HIPK3: variants seen among roughly 807,000 people sequenced by gnomAD.
HIPK3 encodes homeodomain-interacting protein kinase 3.
Under a neutral mutation model 124.2 loss-of-function variants are expected in HIPK3, and 47 were observed. That is an observed-to-expected ratio of 0.38 (90% CI 0.30 to 0.48). The LOEUF is 0.48. Among genes scored for constraint, HIPK3 ranks in the 20% least tolerant of loss-of-function variants. HIPK3 has a pLI of 0.98. For missense variants in HIPK3, 1,286 were observed against 1,454.3 expected, an observed-to-expected ratio of 0.88 and a Z score of 1.88; for synonymous variants, 482 against 515.2, an observed-to-expected ratio of 0.94 and a Z score of 0.87.
intron 1 of HIPK3, among the ~76,000 whole-genome samples, chr11:33,282,354 T>C (rs961304235): frequency 1.3e-5 from 2 of 151,778 alleles, no homozygotes; most frequent in Non-Finnish European, 2.9e-5. Context: ...CATTGCACTT[T>C]AGTCTGGGCA....
At chr11:33,285,012 T>C (rs1851510602) in intron 1 of HIPK3, among the ~76,000 whole-genome samples, 1 of 152,234 alleles carries the variant, frequency 6.6e-6, no homozygotes. Flanking sequence ...TGATTTCATA[T>C]TTTATAAATT....
chr11:33,349,860 C>T (rs1853606206), intron 14 of HIPK3, among the ~76,000 whole-genome samples: 4 of 152,122 alleles, frequency 2.6e-5, no homozygotes, highest in South Asian at 4.1e-4. Flanking sequence ...TCCGCCTCCC[C>T]AGGTTCAAGT....
chr11:33,349,199 C>T lies in HIPK3; in HGVS notation c.2719C>T (p.Arg907Trp), dbSNP rs751432115. The T allele has an allele frequency of 2.7e-5, 43 of 1,613,292 alleles. No individual in the cohort carries two copies. In the Middle Eastern group the frequency reaches 4.9e-4, roughly 19 times the overall value. The change falls in exon 14 of 17, where the codon CGG (arginine) becomes TGG (tryptophan). Residue 907 changes from arginine to tryptophan, a missense_variant. By Grantham distance (101) the Arg-to-Trp change is moderately radical. This residue lies in a region of HIPK3 where 810 missense variants were observed against 864.9 expected (regional missense o/e 0.94). Coordinates refer to ENST00000303296, the MANE Select transcript of HIPK3 (RefSeq NM_005734.5). ...TTGCCAGAGCACTTTGAATATTGAT[C>T]GGATGTGTTCATTAAGTAGTCCTGA... Reference protein sequence around the residue: ...EACQSTLNIDRMCSLSSPDST... With the variant: ...EACQSTLNIDWMCSLSSPDST...
chr11:33,333,005 A>T (rs1428845165), intron 3 of HIPK3, among the ~76,000 whole-genome samples: 1 of 152,156 alleles, frequency 6.6e-6, no homozygotes, highest in Non-Finnish European at 1.5e-5. Context: ...TGAAACAACC[A>T]GATCTTGAGA....
chr11:33,295,009 G>C (rs1207988035), intron 2 of HIPK3, among the ~76,000 whole-genome samples: 1 of 151,952 alleles, frequency 6.6e-6, no homozygotes, highest in Non-Finnish European at 1.5e-5. Flanking sequence ...AAGTAGCATT[G>C]AGCTCACAGC....
intron 3 of HIPK3, among the ~76,000 whole-genome samples, chr11:33,334,214 A>G (rs914723352): frequency 6.6e-6 from 1 of 152,230 alleles, no homozygotes; most frequent in African/African-American, 2.4e-5. Context: ...TATAATAATT[A>G]TAAATGCATG....
In HIPK3 at chr11:33,324,055, T is replaced by C. The variant is rs185869243; in HGVS notation, c.1098-4455T>C. Among the ~76,000 whole-genome samples, 248 of 152,322 alleles carry C rather than the reference T, an allele frequency of 1.6e-3. 1 individual carries two copies. Among genetic ancestry groups the C allele is most frequent in the Admixed American group, 5.1e-3 (78 of 15,292 alleles). On this transcript the variant is annotated intron_variant, in intron 2 of 16. Coordinates refer to ENST00000303296, the MANE Select transcript of HIPK3 (RefSeq NM_005734.5). ...AAGTAGAGGAAAAAAGTGGAAGAAC[T>C]TTCTGTAGGAGTAGGACAGAAGATT...
At chr11:33,285,615 T>C (rs1423575359) in intron 1 of HIPK3, among the ~76,000 whole-genome samples, 2 of 151,498 alleles carry the variant, frequency 1.3e-5, no homozygotes, top group Non-Finnish European at 2.9e-5. Context: ...CAGACATAGA[T>C]TTTTTTTCCT....
chr11:33,303,620 G>A (rs1451729147), intron 2 of HIPK3, among the ~76,000 whole-genome samples: 2 of 152,022 alleles, frequency 1.3e-5, no homozygotes, highest in African/African-American at 2.4e-5. Context: ...TGTCCTTCCC[G>A]ACCTCACACA....
intron 6 of HIPK3, 141 bp from the exon 7 acceptor site, chr11:33,340,827 A>G (rs907927328): frequency 1.0e-5 from 5 of 481,754 alleles, no homozygotes; most frequent in Non-Finnish European, 1.8e-5. Context: ...TCCTGTTAGA[A>G]ATACTATTGG....
intron 8 of HIPK3, among the ~76,000 whole-genome samples, chr11:33,346,808 T>A (rs1023157113): frequency 1.3e-5 from 2 of 152,224 alleles, no homozygotes; most frequent in Non-Finnish European, 2.9e-5. Context: ...ATGATGTATA[T>A]CACAAAGTAG....
At chr11:33,344,473 C>T (rs985082700) in intron 8 of HIPK3, among the ~76,000 whole-genome samples, 4 of 152,112 alleles carry the variant, frequency 2.6e-5, no homozygotes, top group Admixed American at 2.6e-4. Flanking sequence ...CATTTCTAAA[C>T]AGCATTGAGC....
Position 33,300,467 on chromosome 11 carries a change from C to T in HIPK3, c.1097+12956C>T, listed in dbSNP as rs147756072. On this transcript the variant is annotated intron_variant, in intron 2 of 16. Coordinates refer to ENST00000303296, the MANE Select transcript of HIPK3 (RefSeq NM_005734.5). ...CAGCCAACCAGCCAAAGTATTACAA[C>T]TGAAGGTTCAGATTCCTGTTAGCAT... Among the ~76,000 whole-genome samples, 35 of 152,316 alleles carry T rather than the reference C, an allele frequency of 2.3e-4. No homozygotes were observed. The East Asian group carries it at 6.2e-3, about 27-fold the overall frequency.
chr11:33,288,312 G>C (rs1011707875), intron 2 of HIPK3, among the ~76,000 whole-genome samples: 1 of 152,044 alleles, frequency 6.6e-6, no homozygotes, highest in Non-Finnish European at 1.5e-5. Flanking sequence ...AAAATTAGCT[G>C]GGTGTGGTGG....
intron 2 of HIPK3, among the ~76,000 whole-genome samples, chr11:33,311,059 G>A (rs1470056998): frequency 6.6e-6 from 1 of 152,152 alleles, no homozygotes; most frequent in African/African-American, 2.4e-5. Context: ...GCCTTACTTT[G>A]AATTGTTGAC....
intron 2 of HIPK3, among the ~76,000 whole-genome samples, chr11:33,318,686 C>G (rs1226023042): frequency 6.6e-6 from 1 of 152,168 alleles, no homozygotes; most frequent in Non-Finnish European, 1.5e-5. Flanking sequence ...TCTGTCTCTT[C>G]CCCTTTTCTT....
At chr11:33,349,046 C>A in intron 13 of HIPK3, 101 bp from the exon 14 acceptor site, 1 of 1,158,836 alleles carries the variant, frequency 8.6e-7, no homozygotes, top group Non-Finnish European at 1.2e-6. Flanking sequence ...GTAGGTCATT[C>A]TTAACAGTTT....
intron 13 of HIPK3, 124 bp downstream of exon 13, chr11:33,348,942 T>G (rs1853579348): frequency 2.0e-6 from 2 of 977,932 alleles, no homozygotes; most frequent in Non-Finnish European, 3.0e-6. Context: ...TTAAATTAGA[T>G]AACCCAGTTC....
intron 3 of HIPK3, 34 bp from the exon 4 acceptor site, chr11:33,337,041 A>G (rs758713300): frequency 6.6e-7 from 1 of 1,526,128 alleles, no homozygotes; most frequent in South Asian, 1.2e-5. Flanking sequence ...CACATGAAAG[A>G]ATAAACTATT....
Sources: gnomAD v4.1 joint callset for allele counts (sites outside exome capture counted in the v4.1 genomes callset) on GRCh38, gnomAD v4.1.1 for gene constraint, gnomAD v4.1.1 regional missense constraint, MANE v1.5 for transcripts, NCBI Gene and HGNC (gene_info 2026-07-23, HGNC 2026-07-21) for gene names.